The following NFATC3 variants were observed in gnomAD, a reference collection of about 807,000 sequenced individuals.
The protein encoded by NFATC3 is nuclear factor of activated T-cells, cytoplasmic 3.
In NFATC3, 46 loss-of-function variants were observed where a neutral mutation model predicts 98.6. The ratio of observed to expected loss-of-function variants is 0.47; its 90% CI spans 0.37 to 0.60. The LOEUF (loss-of-function observed/expected upper bound fraction) is 0.60, where lower values mean the gene tolerates loss of function less well. NFATC3 is among the 20% of genes least tolerant of loss of function. NFATC3 has a pLI of 0.00. For missense variants in NFATC3, 1,256 were observed against 1,295.5 expected (o/e 0.97, Z 0.47); for synonymous variants, 512 against 472.2 (o/e 1.08, Z -1.09).
At chr16:68,186,856 G>A (rs565770009) in intron 8 of NFATC3, among the ~76,000 whole-genome samples, 3 of 152,278 alleles carry the variant, frequency 2.0e-5, no homozygotes, top group South Asian at 2.1e-4. Context: ...TGTTTATGGC[G>A]AATAACTCCT....
chr16:68,191,839 T>C, intron 9 of NFATC3, 64 bp downstream of exon 9: 1 of 1,566,114 alleles, frequency 6.4e-7, no homozygotes, highest in Non-Finnish European at 8.7e-7. Flanking sequence ...CTCCCAAGTG[T>C]CATGAAAAAG....
At position 68,122,041 on chromosome 16, in the gene NFATC3, C is replaced by T. The variant is rs1598400657; in HGVS notation, c.158C>T (p.Pro53Leu). 1 of 1,613,754 alleles carries T rather than the reference C, an allele frequency of 6.2e-7. No homozygotes were observed. The highest frequency in any genetic ancestry group is 8.5e-7 in the Non-Finnish European group (1 of 1,179,958). Residue 53 changes from proline (P) to leucine (L), a missense_variant, in exon 2 of 10, where the codon CCA becomes CTA. By Grantham distance (98) the Pro-to-Leu change is moderately conservative. Coordinates refer to ENST00000346183, the MANE Select transcript of NFATC3 (RefSeq NM_173165.3). The part of the protein sequence containing the change: ...SIYIFNVDPP[P>L]STLTTPLCLP... ...TACATCTTTAATGTAGATCCACCTC[C>T]ATCTACTTTAACCACACCACTTTGC...
intron 9 of NFATC3, among the ~76,000 whole-genome samples, chr16:68,218,270 C>T (rs1425152910): frequency 6.6e-6 from 1 of 151,796 alleles, no homozygotes; most frequent in Admixed American, 6.6e-5. Flanking sequence ...TTTCTCAACT[C>T]ATGCCATAAA....
chr16:68,138,759 G>T (rs1232142280), intron 3 of NFATC3: 1 of 1,286,536 alleles, frequency 7.8e-7, no homozygotes, highest in Non-Finnish European at 1.0e-6. Flanking sequence ...GTATTCTGTA[G>T]TATAATATAG....
chr16:68,121,558 T>G (rs2036582614), intron 1 of NFATC3, among the ~76,000 whole-genome samples: 1 of 151,170 alleles, frequency 6.6e-6, no homozygotes, highest in South Asian at 2.1e-4. Context: ...GTGTCCCAGC[T>G]ACTCCAGAGG....
intron 4 of NFATC3, 30 bp from the exon 5 acceptor site, chr16:68,166,809 TAAAC>T: frequency 3.3e-6 from 5 of 1,526,574 alleles, no homozygotes; most frequent in South Asian, 1.2e-5. Flanking sequence ...TGATTATCAA[TAAAC>T]AAATTAAATT....
intron 5 of NFATC3, among the ~76,000 whole-genome samples, chr16:68,173,244 C>A (rs1043406355): frequency 6.6e-6 from 1 of 150,738 alleles, no homozygotes; most frequent in Non-Finnish European, 1.5e-5. Context: ...ATAACCTGGG[C>A]AACAGAGCAA....
chr16:68,099,502 G>A (rs2035226979), intron 1 of NFATC3, among the ~76,000 whole-genome samples: 1 of 151,824 alleles, frequency 6.6e-6, no homozygotes, highest in African/African-American at 2.4e-5. Context: ...TGGGAAGGCT[G>A]AGACAGGCGA....
intron 1 of NFATC3, among the ~76,000 whole-genome samples, chr16:68,112,422 C>T (rs1460906600): frequency 6.6e-6 from 1 of 150,856 alleles, no homozygotes; most frequent in African/African-American, 2.4e-5. Flanking sequence ...GGACTACAGG[C>T]ACACACCACC....
chr16:68,191,877 G>T, intron 9 of NFATC3, 102 bp downstream of exon 9: 1 of 1,263,902 alleles, frequency 7.9e-7, no homozygotes, highest in Non-Finnish European at 1.1e-6. Context: ...TTGGCATATG[G>T]TTGGGCTTTT....
chr16:68,167,811 T>C lies in NFATC3; in HGVS notation c.1774+796T>C, dbSNP rs200392831. On this transcript the variant is annotated intron_variant, in intron 5 of 9. Coordinates refer to ENST00000346183, the MANE Select transcript of NFATC3 (RefSeq NM_173165.3). Reference sequence around the variant, plus strand: ...TTATATCTGTTAACCGTATGTGTTCTTTTTTTTTTTTTTTTTTTTTTTTTT... The same window carrying C: ...TTATATCTGTTAACCGTATGTGTTCCTTTTTTTTTTTTTTTTTTTTTTTTT... 7.0e-5 allele frequency among the ~76,000 whole-genome samples: 3 copies of C among 42,890 alleles called. No individual in the cohort carries two copies. The East Asian group carries it at 1.7e-3, about 24-fold the overall frequency. 28.1% of individuals were successfully genotyped at this position (42,890 alleles called of 152,430 possible).
At chr16:68,110,047 C>T (rs2035860694) in intron 1 of NFATC3, among the ~76,000 whole-genome samples, 2 of 152,124 alleles carry the variant, frequency 1.3e-5, no homozygotes, top group Admixed American at 1.3e-4. Context: ...CTCTGTTGCT[C>T]AGGCTGGAGT....
At chr16:68,169,419 C>T (rs976678646) in intron 5 of NFATC3, among the ~76,000 whole-genome samples, 2 of 152,084 alleles carry the variant, frequency 1.3e-5, no homozygotes, top group African/African-American at 4.8e-5. Context: ...CAGGCACAAG[C>T]CACCACAACT....
chr16:68,095,144 A>G (rs537347184), intron 1 of NFATC3, among the ~76,000 whole-genome samples: 3 of 152,202 alleles, frequency 2.0e-5, no homozygotes, highest in African/African-American at 7.2e-5. Context: ...GGGTCAACCA[A>G]AAGAATTGTC....
At chr16:68,107,173 T>C (rs961863787) in intron 1 of NFATC3, among the ~76,000 whole-genome samples, 1 of 152,224 alleles carries the variant, frequency 6.6e-6, no homozygotes, top group African/African-American at 2.4e-5. Context: ...TGATTCTATG[T>C]CTTTGCTATT....
chr16:68,189,162 AT>A (rs1424927821), intron 8 of NFATC3: 1 of 152,174 alleles, frequency 6.6e-6, no homozygotes, highest in Non-Finnish European at 1.5e-5. Context: ...ATTCCATCAC[AT>A]TGATTATGTC....
chr16:68,098,256 C>T (rs1242703515), intron 1 of NFATC3, among the ~76,000 whole-genome samples: 2 of 144,058 alleles, frequency 1.4e-5, no homozygotes, highest in Admixed American at 6.9e-5. Flanking sequence ...GGTAGATGTA[C>T]ATTTAACTTT....
chr16:68,221,749 C>T (rs1598632116), intron 9 of NFATC3: 1 of 350,030 alleles, frequency 2.9e-6, no homozygotes, highest in Admixed American at 6.4e-5. Flanking sequence ...CTGTCAGGAA[C>T]TTTCCAGGTT....
At chr16:68,144,401 G>A (rs182214052) in intron 3 of NFATC3, among the ~76,000 whole-genome samples, 1 of 151,848 alleles carries the variant, frequency 6.6e-6, no homozygotes, top group African/African-American at 2.4e-5. Flanking sequence ...CTTCCCTTAT[G>A]CCCCACCAAT....
Sources: allele counts gnomAD v4.1 joint callset (sites outside exome capture counted in the v4.1 genomes callset), GRCh38; gene constraint gnomAD v4.1.1; transcripts MANE v1.5; gene names NCBI Gene and HGNC (gene_info 2026-07-23, HGNC 2026-07-21).